Variants in UBE2E2 observed in about 807,000 individuals in gnomAD.
UBE2E2 encodes the protein ubiquitin conjugating enzyme E2 E2.
UBE2E2 carries 6 observed loss-of-function variants against 24.7 expected under a neutral mutation model. The ratio of observed to expected loss-of-function variants is 0.24; its 90% CI spans 0.13 to 0.48. The LOEUF (loss-of-function observed/expected upper bound fraction) is 0.48, where lower values mean the gene tolerates loss of function less well. Among genes scored for constraint, UBE2E2 ranks in the 20% least tolerant of loss-of-function variants. The pLI is 0.99. For missense variants in UBE2E2, 169 were observed against 245.0 expected (o/e 0.69, Z 2.07); for synonymous variants, 104 against 83.6 (o/e 1.24, Z -1.33).
At chr3:23,456,710 A>G (rs1317804140) in intron 3 of UBE2E2, among the ~76,000 whole-genome samples, 1 of 152,202 alleles carries the variant, frequency 6.6e-6, no homozygotes, top group East Asian at 1.9e-4. Flanking sequence ...CTGTCATCGC[A>G]GCTTTATATA....
intron 3 of UBE2E2, among the ~76,000 whole-genome samples, chr3:23,430,880 C>T (rs1478452988): frequency 6.6e-6 from 1 of 152,134 alleles, no homozygotes; most frequent in African/African-American, 2.4e-5. Flanking sequence ...GAATCAAATA[C>T]AGAGTTTATG....
intron 3 of UBE2E2, among the ~76,000 whole-genome samples, chr3:23,445,704 T>C (rs543496521): frequency 3.1e-4 from 47 of 152,328 alleles, no homozygotes; most frequent in East Asian, 1.4e-3. Context: ...TCATGCCTCC[T>C]GAATGTGCCT....
At chr3:23,317,520 G>A (rs1312135983) in intron 3 of UBE2E2, among the ~76,000 whole-genome samples, 2 of 152,194 alleles carry the variant, frequency 1.3e-5, no homozygotes, top group African/African-American at 4.8e-5. Context: ...GAGACCGGGT[G>A]ATTTATACAG....
chr3:23,492,427 A>G (rs1237265663), intron 3 of UBE2E2, among the ~76,000 whole-genome samples: 1 of 152,206 alleles, frequency 6.6e-6, no homozygotes, highest in Non-Finnish European at 1.5e-5. Flanking sequence ...CTGAACACCT[A>G]TTCTTCAGAC....
intron 3 of UBE2E2, chr3:23,450,000 A>G (rs1351315052): frequency 1.1e-6 from 1 of 903,200 alleles, no homozygotes; most frequent in East Asian, 1.2e-4. Context: ...TGAGTACAGC[A>G]ATGGCTTTGA....
chr3:23,506,506 GA>G (rs1694460047), intron 4 of UBE2E2, among the ~76,000 whole-genome samples: 1 of 152,030 alleles, frequency 6.6e-6, no homozygotes, highest in African/African-American at 2.4e-5. Flanking sequence ...AATAAATCTA[GA>G]ATCCAAACAT....
At chr3:23,273,516 G>A (rs1353737749) in intron 3 of UBE2E2, among the ~76,000 whole-genome samples, 2 of 136,008 alleles carry the variant, frequency 1.5e-5, no homozygotes, top group Non-Finnish European at 3.1e-5. Context: ...GGGCGACAGA[G>A]CGAGACTCCG....
chr3:23,566,092 G>A (rs1323050085), intron 5 of UBE2E2, among the ~76,000 whole-genome samples: 2 of 151,964 alleles, frequency 1.3e-5, no homozygotes, highest in Admixed American at 6.6e-5. Context: ...TCCCTTTTTT[G>A]CAGTAGTCTT....
intron 3 of UBE2E2, among the ~76,000 whole-genome samples, chr3:23,305,633 G>A (rs931817681): frequency 2.0e-5 from 3 of 152,192 alleles, no homozygotes; most frequent in Non-Finnish European, 1.5e-5. Flanking sequence ...AGGGAGGTCC[G>A]TGTGCCACAT....
intron 3 of UBE2E2, among the ~76,000 whole-genome samples, chr3:23,369,188 T>C (rs1414804396): frequency 6.6e-6 from 1 of 152,172 alleles, no homozygotes. Context: ...TAAAAATCTC[T>C]TCAATATCAA....
Position 23,586,496 on chromosome 3 carries a change from G to C in UBE2E2, c.509-3238G>C, listed in dbSNP as rs145356528. Among the ~76,000 whole-genome samples, 96 of 152,038 alleles carry C rather than the reference G, an allele frequency of 6.3e-4. 4 individuals carry two copies. The East Asian group carries it at 0.015, about 24-fold the overall frequency. Reference sequence around the variant, plus strand: ...TTTTTTTGTGGAGTTGGGGGTCTCAGTGTGTTGCCCAGGCTGGTCTTGAAC... The same window carrying C: ...TTTTTTTGTGGAGTTGGGGGTCTCACTGTGTTGCCCAGGCTGGTCTTGAAC... On this transcript the variant is annotated intron_variant, in intron 5 of 5. Coordinates refer to ENST00000396703, the MANE Select transcript of UBE2E2 (RefSeq NM_152653.4).
intron 5 of UBE2E2, chr3:23,534,282 C>T (rs1343019482): frequency 2.1e-6 from 2 of 966,090 alleles, no homozygotes; most frequent in Non-Finnish European, 2.5e-6. Context: ...ATTCATTCCA[C>T]CAAAGCCTTC....
intron 3 of UBE2E2, among the ~76,000 whole-genome samples, chr3:23,332,714 T>C (rs1317883298): frequency 1.2e-4 from 17 of 147,204 alleles, no homozygotes; most frequent in East Asian, 8.5e-4. Context: ...TGTGTGTGTG[T>C]GTGTGCAGCT....
At chr3:23,365,935 A>G (rs1696246538) in intron 3 of UBE2E2, among the ~76,000 whole-genome samples, 1 of 152,198 alleles carries the variant, frequency 6.6e-6, no homozygotes, top group Non-Finnish European at 1.5e-5. Context: ...ATGAGACTGA[A>G]TAGAGAGCTC....
At chr3:23,254,750 C>A (rs141076700) in intron 3 of UBE2E2, among the ~76,000 whole-genome samples, 5 of 151,922 alleles carry the variant, frequency 3.3e-5, no homozygotes, top group African/African-American at 9.7e-5. Context: ...CTATAGGAGG[C>A]CACAGTGAGC....
At chr3:23,312,960 A>C (rs1390311446) in intron 3 of UBE2E2, among the ~76,000 whole-genome samples, 1 of 152,122 alleles carries the variant, frequency 6.6e-6, no homozygotes, top group Admixed American at 6.6e-5. Flanking sequence ...AAGATACCTG[A>C]TACTATTTCT....
intron 3 of UBE2E2, among the ~76,000 whole-genome samples, chr3:23,246,444 C>T (rs1389830974): frequency 7.2e-6 from 1 of 138,728 alleles, no homozygotes; most frequent in Non-Finnish European, 1.5e-5. Context: ...AGTATGTTGG[C>T]CAGGATGGTC....
chr3:23,335,389 A>G (rs937469137), intron 3 of UBE2E2, among the ~76,000 whole-genome samples: 2 of 152,222 alleles, frequency 1.3e-5, no homozygotes, highest in African/African-American at 4.8e-5. Context: ...ACTAAATCAC[A>G]GACATATAAG....
intron 2 of UBE2E2, among the ~76,000 whole-genome samples, chr3:23,213,110 G>C (rs1364189231): frequency 6.6e-6 from 1 of 152,096 alleles, no homozygotes; most frequent in African/African-American, 2.4e-5. Context: ...AAGTTGTCTA[G>C]ATGAGATGAA....
Sources: gnomAD v4.1 joint callset for allele counts (sites outside exome capture counted in the v4.1 genomes callset) on GRCh38, gnomAD v4.1.1 for gene constraint, MANE v1.5 for transcripts, NCBI Gene and HGNC (gene_info 2026-07-23, HGNC 2026-07-21) for gene names.